ZCCHC14: variants seen among roughly 807,000 people sequenced by gnomAD.
The protein encoded by ZCCHC14 is zinc finger CCHC-type containing 14, also known as zinc finger CCHC domain-containing protein 14.
ZCCHC14 carries 16 observed loss-of-function variants against 85.0 expected under a neutral mutation model. That is an observed-to-expected ratio of 0.19 (90% CI 0.13 to 0.29). ZCCHC14 has a LOEUF of 0.29. Among genes scored for constraint, ZCCHC14 ranks in the 10% least tolerant of loss-of-function variants. The pLI is 1.00. For synonymous variants in ZCCHC14, 775 were observed against 630.7 expected, an observed-to-expected ratio of 1.23 and a Z score of -3.43; for missense variants, 1,303 against 1,443.5, an observed-to-expected ratio of 0.90 and a Z score of 1.58.
chr16:87,476,262 C>G (rs1444929513), intron 1 of ZCCHC14, among the ~76,000 whole-genome samples: 3 of 151,974 alleles, frequency 2.0e-5, no homozygotes, highest in African/African-American at 7.3e-5. Flanking sequence ...CAAACTGGAT[C>G]GGTAAGGAAT....
chr16:87,490,189 C>T (rs1324632468), intron 1 of ZCCHC14, among the ~76,000 whole-genome samples: 1 of 152,150 alleles, frequency 6.6e-6, no homozygotes, highest in Non-Finnish European at 1.5e-5. Flanking sequence ...CCACTTCTTA[C>T]AGGAAGACAT....
At chr16:87,442,494 G>A (rs1444011253) in intron 2 of ZCCHC14, among the ~76,000 whole-genome samples, 3 of 152,126 alleles carry the variant, frequency 2.0e-5, no homozygotes, top group African/African-American at 4.8e-5. Context: ...CAACAGGGAG[G>A]GGCAAACACT....
chr16:87,415,532 G>C (rs188980020), intron 8 of ZCCHC14, among the ~76,000 whole-genome samples, 165 bp from the exon 9 acceptor site: 4 of 152,326 alleles, frequency 2.6e-5, no homozygotes, highest in South Asian at 2.1e-4. Flanking sequence ...CCCTTTACTT[G>C]CTAAATGACT....
chr16:87,475,757 A>T (rs1911978734), intron 1 of ZCCHC14, among the ~76,000 whole-genome samples: 1 of 152,142 alleles, frequency 6.6e-6, no homozygotes, highest in African/African-American at 2.4e-5. Context: ...ACAAAGCTTC[A>T]GGGACAATAT....
chr16:87,423,771 G>T, intron 4 of ZCCHC14, 39 bp downstream of exon 4: 2 of 1,605,668 alleles, frequency 1.2e-6, no homozygotes, highest in South Asian at 1.1e-5. Flanking sequence ...TGGGGAATGT[G>T]ATTCTTTTAA....
At chr16:87,466,652 A>T (rs2150765124) in intron 1 of ZCCHC14, among the ~76,000 whole-genome samples, 1 of 152,350 alleles carries the variant, frequency 6.6e-6, no homozygotes, top group East Asian at 1.9e-4. Flanking sequence ...ACTTCACAGG[A>T]GCGCTGAGCA....
Position 87,412,172 on chromosome 16 carries a change from G to A in ZCCHC14, c.2549C>T (p.Pro850Leu), listed in dbSNP as rs778276475. The part of the protein sequence containing the change: ...NSNTASPSSH[P>L]STSFANMATL... ...GGCCATGTTGGCAAAGGACGTGGAG[G>A]GGTGGCTGCTGGGAGAGGCAGTGTT... Residue 850 changes from proline to leucine, a missense_variant, in exon 12 of 13, where the codon CCC becomes CTC. By Grantham distance (98) the Pro-to-Leu change is moderately conservative. Around this residue, in one of 7 missense-constraint regions of ZCCHC14, gnomAD observed 797 missense variants for 730.8 expected, o/e 1.09. Transcript: ENST00000671377. The A allele has an allele frequency of 2.5e-5, 41 of 1,614,072 alleles. No homozygotes were observed. The highest frequency in any genetic ancestry group is 3.4e-5 in the Non-Finnish European group (40 of 1,180,036).
In ZCCHC14 at chr16:87,419,830, C is replaced by T; in HGVS notation, c.998G>A (p.Arg333Lys). The change falls in exon 6 of 13, where the codon AGG becomes AAG. Residue 333 changes from arginine to lysine, a missense_variant. By Grantham distance (26) the Arg-to-Lys change is conservative. Transcript: ENST00000671377. The stretch of plus-strand genomic sequence containing the variant: ...GGGAGAGGAAGTGCTGAGAAACCTC[C>T]TGACATGGTCATTTTTCAACACGTG... Reference protein sequence around the residue: ...PSHVLKNDHVRRFLSTSSPPQ... With the variant: ...PSHVLKNDHVKRFLSTSSPPQ... The T allele has an allele frequency of 1.2e-6, 2 of 1,613,126 alleles. No homozygotes were observed. The highest frequency in any genetic ancestry group is 1.7e-6 in the Non-Finnish European group (2 of 1,179,588).
intron 1 of ZCCHC14, among the ~76,000 whole-genome samples, chr16:87,469,179 C>T (rs1355439438): frequency 7.9e-5 from 12 of 152,196 alleles, no homozygotes; most frequent in Non-Finnish European, 1.5e-4. Flanking sequence ...TCCCGAGTAG[C>T]TGGGACCACA....
At chr16:87,464,170 G>A (rs1339117450) in intron 1 of ZCCHC14, among the ~76,000 whole-genome samples, 2 of 152,230 alleles carry the variant, frequency 1.3e-5, no homozygotes, top group East Asian at 1.9e-4. Context: ...GCCTGCTAGG[G>A]GAGGAAGGGG....
rs550658178 is a variant in ZCCHC14, at chr16:87,421,088, C to T, written c.841-372G>A. 3.9e-5 allele frequency among the ~76,000 whole-genome samples: 6 copies of T among 152,364 alleles called. No individual in the cohort carries two copies. The South Asian group carries it at 8.3e-4, about 21-fold the overall frequency. Reference sequence around the variant, plus strand: ...CCAGCAGGTCTGGAGAGACAGGTTCCGATGGACACACTGCCACAGGCTGAC... The same window carrying T: ...CCAGCAGGTCTGGAGAGACAGGTTCTGATGGACACACTGCCACAGGCTGAC... On this transcript the variant is annotated intron_variant, in intron 4 of 12. Transcript: ENST00000671377.
intron 2 of ZCCHC14, 119 bp from the exon 3 acceptor site, chr16:87,433,320 G>T: frequency 1.1e-6 from 1 of 922,166 alleles, no homozygotes; most frequent in Non-Finnish European, 1.6e-6. Flanking sequence ...AGGCTGTCCT[G>T]TCACTTTGGT....
At chr16:87,471,243 A>G (rs1459022542) in intron 1 of ZCCHC14, 3 of 152,278 alleles carry the variant, frequency 2.0e-5, no homozygotes, top group African/African-American at 4.8e-5. Flanking sequence ...TAAAAACAAA[A>G]TAGATTTGTA....
chr16:87,462,139 C>G (rs1205524340), intron 1 of ZCCHC14, among the ~76,000 whole-genome samples: 4 of 144,508 alleles, frequency 2.8e-5, no homozygotes, highest in Non-Finnish European at 6.1e-5. Context: ...AAAAAAAAGT[C>G]CTAGCCATGC....
chr16:87,454,913 T>TC (rs1910879084), intron 2 of ZCCHC14, among the ~76,000 whole-genome samples: 1 of 152,232 alleles, frequency 6.6e-6, no homozygotes, highest in Admixed American at 6.5e-5. Flanking sequence ...CTGTGTCATC[T>TC]GCCGATCCAC....
rs149576545 is a variant in ZCCHC14, at chr16:87,431,698, G to C, written c.768+1430C>G. On this transcript the variant is annotated intron_variant, in intron 3 of 12. Coordinates refer to ENST00000671377, the MANE Select transcript of ZCCHC14 (RefSeq NM_015144.3). Reference sequence around the variant, plus strand: ...TGCACAGCACCTTCTTAAGTGCACAGTCCCCACCAGTATCTGAAGAGGCCT... The same window carrying C: ...TGCACAGCACCTTCTTAAGTGCACACTCCCCACCAGTATCTGAAGAGGCCT... Among the ~76,000 whole-genome samples, 3 of 152,274 alleles carry C rather than the reference G, an allele frequency of 2.0e-5. No homozygotes were observed. In the East Asian group the frequency reaches 5.8e-4, roughly 29 times the overall value.
At chr16:87,488,225 A>C (rs1567547351) in intron 1 of ZCCHC14, among the ~76,000 whole-genome samples, 1 of 152,198 alleles carries the variant, frequency 6.6e-6, no homozygotes, top group African/African-American at 2.4e-5. Flanking sequence ...GCCGCAAAGG[A>C]TTTATTTTAA....
chr16:87,411,793 C>T lies in ZCCHC14; in HGVS notation c.2928G>A (p.Gln976=). 1 of 1,611,328 alleles carries T rather than the reference C, an allele frequency of 6.2e-7. No homozygotes were observed. Among genetic ancestry groups the T allele is most frequent in the Non-Finnish European group, 8.5e-7 (1 of 1,178,636 alleles). The part of the protein sequence containing the change: ...PMCSSGYVSA[Q]QYGGGSTFPV... ...GGAAGGTGGAGCCGCCGCCGTACTG[C>T]TGGGCGCTGACGTAGCCGCTGCTGC... Residue 976 remains glutamine, a synonymous_variant, in exon 12 of 13, where the codon CAG becomes CAA. Coordinates refer to ENST00000671377, the MANE Select transcript of ZCCHC14 (RefSeq NM_015144.3).
intron 12 of ZCCHC14, 63 bp downstream of exon 12, chr16:87,411,453 C>T (rs751348139): frequency 6.4e-7 from 1 of 1,567,426 alleles, no homozygotes; most frequent in Non-Finnish European, 8.6e-7. Flanking sequence ...TTCATAAAAA[C>T]CAAGCATTTG....
Sources: allele counts gnomAD v4.1 joint callset (sites outside exome capture counted in the v4.1 genomes callset), GRCh38; gene constraint gnomAD v4.1.1; regional missense constraint gnomAD v4.1.1; transcripts MANE v1.5; gene names NCBI Gene and HGNC (gene_info 2026-07-23, HGNC 2026-07-21).